B4GALT2: variants seen among roughly 807,000 people sequenced by gnomAD.
The protein encoded by B4GALT2 is N-acetyllactosamine synthase.
In B4GALT2, 18 loss-of-function variants were observed where a neutral mutation model predicts 33.2. The observed-to-expected ratio is 0.54, with a 90% CI of 0.38 to 0.80. The LOEUF (loss-of-function observed/expected upper bound fraction) is 0.80. Ranked by LOEUF, B4GALT2 falls within the 30% of genes least tolerant of loss-of-function variation. The pLI, the probability that B4GALT2 is intolerant of heterozygous loss-of-function variation, is 0.00. For missense variants in B4GALT2, 404 were observed against 526.2 expected, an observed-to-expected ratio of 0.77 and a Z score of 2.27; for synonymous variants, 214 against 217.6, an observed-to-expected ratio of 0.98 and a Z score of 0.15.
In B4GALT2 at chr1:43,990,565, A is replaced by G. The variant is rs1369814013; in HGVS notation, c.*117A>G. The G allele has an allele frequency of 2.1e-6, 3 of 1,439,314 alleles. No individual in the cohort carries two copies. The highest frequency in any genetic ancestry group is 2.8e-5 in the African/African-American group (2 of 70,758). The allele number at this position is 1,439,314 out of a possible 1,614,324, so 89.2% of individuals were successfully genotyped here. A position where few individuals can be genotyped will look rare whatever the true frequency, so the allele number is the denominator to read the frequency against. On this transcript the variant is annotated 3_prime_UTR_variant, in exon 7 of 7. Coordinates refer to ENST00000372324, the MANE Select transcript of B4GALT2 (RefSeq NM_003780.5). ...GACTGAGACTGGGCTCTGTTTTCCA[A>G]GGGTCTTCACTAGGCCCCCTAGCTA...
At position 43,984,645 on chromosome 1, in the gene B4GALT2, C is replaced by T. The variant is rs373085403; in HGVS notation, c.550-220C>T. ...TGAGGGATGTTGTGTGGCTGGGCCT[C>T]GGGACCTGAGGGCAGTGGCCAGAGA... On this transcript the variant is annotated intron_variant, in intron 3 of 6. Coordinates refer to ENST00000372324, the MANE Select transcript of B4GALT2 (RefSeq NM_003780.5). The surrounding 1 kb of genome is among the most constrained non-coding windows in gnomAD (Gnocchi z 5.6). Among the ~76,000 whole-genome samples, 25 of 152,162 alleles carry T rather than the reference C, an allele frequency of 1.6e-4. No homozygotes were observed. The highest frequency in any genetic ancestry group is 2.6e-4 in the Admixed American group (4 of 15,284).
rs1246646319 is a variant in B4GALT2 at position 43,979,218 on chromosome 1, G to C, written c.-346G>C. 6.9e-6 allele frequency: 1 copy of C among 145,244 alleles called. No homozygotes were observed. Among genetic ancestry groups the C allele is most frequent in the African/African-American group, 2.5e-5 (1 of 40,392 alleles). The allele number at this position is 145,244 out of a possible 1,614,324, so 9.0% of individuals were successfully genotyped here. A position where few individuals can be genotyped will look rare whatever the true frequency, so the allele number is the denominator to read the frequency against. ...GCGCGCGGGCCGGGCCTGCCCCTCC[G>C]AGGCGCCGTAGCGCGGGAGGGAGGC... is the stretch of plus-strand genomic sequence containing the variant. On this transcript the variant is annotated 5_prime_UTR_variant, in exon 1 of 7. Coordinates refer to ENST00000372324, the MANE Select transcript of B4GALT2 (RefSeq NM_003780.5). The surrounding 1 kb of genome is among the most constrained non-coding windows in gnomAD (Gnocchi z 4.8).
rs1859728 is a variant in B4GALT2 at position 43,981,741 on chromosome 1, G to C, written c.366G>C (p.Gln122His). The C allele has an allele frequency of 0.057, 92,345 of 1,613,410 alleles. 3,069 individuals are homozygous for C. Among genetic ancestry groups the C allele is most frequent in the East Asian group, 0.16 (7,301 of 44,856 alleles). ...CACCCATGCCCCTGGAGCGGGTGCAGAGGGAGAACCCAGGCGTGCTCATGG... is the reference window on the plus strand; with the variant it reads ...CACCCATGCCCCTGGAGCGGGTGCACAGGGAGAACCCAGGCGTGCTCATGG... The part of the protein sequence containing the change: ...FTSPMPLERV[Q>H]RENPGVLMGG... Residue 122 changes from glutamine (Q) to histidine (H), a missense_variant, in exon 3 of 7, where the codon CAG becomes CAC. Gln to His is a conservative substitution (Grantham distance 24, BLOSUM62 0). Coordinates refer to ENST00000372324, the MANE Select transcript of B4GALT2 (RefSeq NM_003780.5). The surrounding 1 kb of genome is among the most constrained non-coding windows in gnomAD (Gnocchi z 8.1).
intron 6 of B4GALT2, 99 bp from the exon 7 acceptor site, chr1:43,990,199 T>A: frequency 1.3e-6 from 2 of 1,487,568 alleles, no homozygotes; most frequent in Non-Finnish European, 1.8e-6. Context: ...GGGGTCCCCT[T>A]GGCCAAAAGG....
In B4GALT2 at chr1:43,981,182, A is replaced by G; in HGVS notation, c.22A>G (p.Thr8Ala). The change falls in exon 2 of 7, where the codon ACG (threonine) becomes GCG (alanine). Residue 8 changes from threonine (T) to alanine (A), a missense_variant. Transcript: ENST00000372324. The surrounding 1 kb of genome is among the most constrained non-coding windows in gnomAD (Gnocchi z 8.1). MSRLLGG[T>A]LERVCKAVLL... ...CGGGATGAGCAGACTGCTGGGGGGG[A>G]CGCTGGAGCGCGTCTGCAAGGCTGT... 1 of 1,599,772 alleles carries G rather than the reference A, an allele frequency of 6.3e-7. No individual in the cohort carries two copies. Among genetic ancestry groups the G allele is most frequent in the Non-Finnish European group, 8.5e-7 (1 of 1,179,688 alleles).
intron 6 of B4GALT2, among the ~76,000 whole-genome samples, chr1:43,988,503 C>CA (rs1400697365): frequency 6.6e-6 from 1 of 151,422 alleles, no homozygotes; most frequent in East Asian, 1.9e-4. Flanking sequence ...CTAAAAATAC[C>CA]AAAAAAATTA....
chr1:43,981,284 T>C lies in B4GALT2; in HGVS notation c.124T>C (p.Phe42Leu), dbSNP rs1241353206. 2.5e-6 allele frequency: 4 copies of C among 1,605,982 alleles called. No individual in the cohort carries two copies. The highest frequency in any genetic ancestry group is 3.4e-6 in the Non-Finnish European group (4 of 1,179,876). Residue 42 changes from phenylalanine to leucine, a missense_variant, in exon 2 of 7, where the codon TTC becomes CTC. Phe to Leu is a conservative substitution (Grantham distance 22). Coordinates refer to ENST00000372324, the MANE Select transcript of B4GALT2 (RefSeq NM_003780.5). The surrounding 1 kb of genome is among the most constrained non-coding windows in gnomAD (Gnocchi z 8.1). ...FDVYAQHLAFFSRFSARGPAH... is the reference protein window; with the variant it reads ...FDVYAQHLAFLSRFSARGPAH... ...CGTCTACGCCCAGCACCTGGCCTTC[T>C]TCAGCCGCTTCAGTGCCCGAGGCCC...
rs191178658 is a variant in B4GALT2, at chr1:43,990,645, C to G, written c.*197C>G. On this transcript the variant is annotated 3_prime_UTR_variant, in exon 7 of 7. Coordinates refer to ENST00000372324, the MANE Select transcript of B4GALT2 (RefSeq NM_003780.5). ...GGGCCTCCTGCCTGGGCAGGCTCTT[C>G]AAGTGTGGCCCTCTTTGGAGTCAAC... 71 of 702,550 alleles carry G rather than the reference C, an allele frequency of 1.0e-4. No individual in the cohort carries two copies. The African/African-American group carries it at 1.1e-3, about 11-fold the overall frequency. 43.5% of individuals were successfully genotyped at this position (702,550 alleles called of 1,614,324 possible).
intron 6 of B4GALT2, 97 bp downstream of exon 6, chr1:43,985,718 G>T: frequency 8.5e-7 from 1 of 1,176,852 alleles, no homozygotes. Context: ...CCCCCAGTGG[G>T]GGACCTCCAA....
chr1:43,989,341 C>T (rs1298909775), intron 6 of B4GALT2, among the ~76,000 whole-genome samples: 2 of 81,126 alleles, frequency 2.5e-5, no homozygotes, highest in African/African-American at 3.3e-5. Flanking sequence ...AAAAAAAAAT[C>T]ACTAGATCAA....
intron 6 of B4GALT2, among the ~76,000 whole-genome samples, chr1:43,988,819 C>T (rs2085689274): frequency 6.9e-6 from 1 of 145,646 alleles, no homozygotes; most frequent in Admixed American, 6.9e-5. Flanking sequence ...TATATTCCAG[C>T]CTAGGCAACA....
rs916628729 is a variant in B4GALT2 at position 43,982,304 on chromosome 1, C to G, written c.549+380C>G. ...GCCAGCCACAGCTGAGGCCAGGGCACTCAGCTCAGCATCTTAAGGCCTTTG... is the reference window on the plus strand; with the variant it reads ...GCCAGCCACAGCTGAGGCCAGGGCAGTCAGCTCAGCATCTTAAGGCCTTTG... On this transcript the variant is annotated intron_variant, in intron 3 of 6. Coordinates refer to ENST00000372324, the MANE Select transcript of B4GALT2 (RefSeq NM_003780.5). The surrounding 1 kb of genome is among the most constrained non-coding windows in gnomAD (Gnocchi z 4.3). Among the ~76,000 whole-genome samples the G allele has an allele frequency of 5.9e-5, 9 of 152,246 alleles. No individual in the cohort carries two copies. Among genetic ancestry groups the G allele is most frequent in the African/African-American group, 2.2e-4 (9 of 41,542 alleles).
At chr1:43,985,104 C>G in intron 4 of B4GALT2, 49 bp downstream of exon 4, 1 of 1,598,334 alleles carries the variant, frequency 6.3e-7, no homozygotes, top group Non-Finnish European at 8.6e-7. Flanking sequence ...CCCCACCAGA[C>G]GCAGGCCCAC....
At chr1:43,988,607 T>G (rs1031118230) in intron 6 of B4GALT2, among the ~76,000 whole-genome samples, 1 of 151,892 alleles carries the variant, frequency 6.6e-6, no homozygotes, top group Non-Finnish European at 1.5e-5. Flanking sequence ...GAGGCAGAGG[T>G]TGCAGTGAGC....
chr1:43,981,246 T>C lies in B4GALT2; in HGVS notation c.86T>C (p.Ile29Thr), dbSNP rs779452219. The change falls in exon 2 of 7, where the codon ATC becomes ACC. Residue 29 changes from isoleucine (I) to threonine (T), a missense_variant. Transcript: ENST00000372324. This position sits in a 1 kb window ranked among gnomAD's most constrained non-coding sequence, Gnocchi z 8.1. ...CTGCTGCACTTCCTCGTGGCCGTCA[T>C]CCTCTACTTTGACGTCTACGCCCAG... ...LCLLHFLVAV[I>T]LYFDVYAQHL... The C allele has an allele frequency of 8.7e-6, 14 of 1,606,584 alleles. No individual in the cohort carries two copies. The highest frequency in any genetic ancestry group is 1.0e-5 in the Non-Finnish European group (12 of 1,179,884).
At position 43,981,778 on chromosome 1, in the gene B4GALT2, A is replaced by G. The variant is rs1360085843; in HGVS notation, c.403A>G (p.Thr135Ala). 1 of 1,613,570 alleles carries G rather than the reference A, an allele frequency of 6.2e-7. No homozygotes were observed. Reference sequence around the variant, plus strand: ...AGGCGTGCTCATGGGCGGCCGATACACACCGCCCGACTGCACCCCAGCCCA... The same window carrying G: ...AGGCGTGCTCATGGGCGGCCGATACGCACCGCCCGACTGCACCCCAGCCCA... ...NPGVLMGGRY[T>A]PPDCTPAQTV... Residue 135 changes from threonine to alanine, a missense_variant, in exon 3 of 7, where the codon ACA becomes GCA. Coordinates refer to ENST00000372324, the MANE Select transcript of B4GALT2 (RefSeq NM_003780.5). The surrounding 1 kb of genome is among the most constrained non-coding windows in gnomAD (Gnocchi z 8.1).
Position 43,990,657 on chromosome 1 carries a change from T to G in B4GALT2, c.*209T>G, listed in dbSNP as rs544313071. 1 of 656,214 alleles carries G rather than the reference T, an allele frequency of 1.5e-6. No homozygotes were observed. Among genetic ancestry groups the G allele is most frequent in the African/African-American group, 1.8e-5 (1 of 54,964 alleles). The allele number at this position is 656,214 out of a possible 1,614,324, so 40.6% of individuals were successfully genotyped here. On this transcript the variant is annotated 3_prime_UTR_variant, in exon 7 of 7. Transcript: ENST00000372324. ...TGGGCAGGCTCTTCAAGTGTGGCCC[T>G]CTTTGGAGTCAACCCTCCTTCCCGA...
At chr1:43,985,747 A>T (rs1194905524) in intron 6 of B4GALT2, 126 bp downstream of exon 6, 2 of 852,134 alleles carry the variant, frequency 2.3e-6, no homozygotes, top group Non-Finnish European at 3.8e-6. Flanking sequence ...GACTCCAAAA[A>T]GGTGACTCCC....
chr1:43,979,916 C>A lies in B4GALT2; in HGVS notation c.-53+405C>A. 1 of 1,434,312 alleles carries A rather than the reference C, an allele frequency of 7.0e-7. No homozygotes were observed. The highest frequency in any genetic ancestry group is 9.4e-7 in the Non-Finnish European group (1 of 1,065,282). The allele number at this position is 1,434,312 out of a possible 1,614,324, so 88.8% of individuals were successfully genotyped here. On this transcript the variant is annotated intron_variant, in intron 1 of 6. Coordinates refer to ENST00000372324, the MANE Select transcript of B4GALT2 (RefSeq NM_003780.5). This position sits in a 1 kb window ranked among gnomAD's most constrained non-coding sequence, Gnocchi z 4.8. ...AGCCCCGCCCAAACGCACCCCTCAG[C>A]CTGGCCGCCAGCCTGACCCAGAACC...
Sources: allele counts gnomAD v4.1 joint callset (sites outside exome capture counted in the v4.1 genomes callset), GRCh38; gene constraint gnomAD v4.1.1; non-coding constraint Gnocchi (gnomAD v3.1); transcripts MANE v1.5; gene names NCBI Gene and HGNC (gene_info 2026-07-23, HGNC 2026-07-21).